The following CCND3 variants were observed in gnomAD, a reference collection of about 807,000 sequenced individuals.
CCND3 encodes the protein cyclin D3, also known as G1/S-specific cyclin-D3.
A neutral mutation model predicts 28.7 loss-of-function variants in CCND3; 9 were observed. That is an observed-to-expected ratio of 0.31 (90% confidence interval 0.19 to 0.55). CCND3 has a LOEUF of 0.55. Among genes scored for constraint, CCND3 ranks in the 20% least tolerant of loss-of-function variants. The pLI is 0.93. For missense variants in CCND3, 315 were observed against 385.8 expected, an observed-to-expected ratio of 0.82 and a Z score of 1.54; for synonymous variants, 164 against 163.9, an observed-to-expected ratio of 1.00 and a Z score of 0.00.
chr6:41,975,709 T>C (rs1048413117), intron 1 of CCND3, among the ~76,000 whole-genome samples: 25 of 150,692 alleles, frequency 1.7e-4, no homozygotes, highest in Admixed American at 9.9e-4. Context: ...AGGCTACCTC[T>C]CCACTCACTG....
At chr6:41,943,244 A>C (rs1438957168), upstream of CCND3, among the ~76,000 whole-genome samples, 1 of 152,244 alleles carries the variant, frequency 6.6e-6, no homozygotes, top group East Asian at 1.9e-4. Context: ...AACTTCAAAA[A>C]TACAAATAAG....
chr6:41,952,581 C>T (rs1246727223), intron 1 of CCND3, among the ~76,000 whole-genome samples: 5 of 152,094 alleles, frequency 3.3e-5, no homozygotes, highest in Non-Finnish European at 5.9e-5. Context: ...TGTGGGAGGG[C>T]GCGATGGACT....
intron 1 of CCND3, among the ~76,000 whole-genome samples, chr6:41,996,130 A>ATG (rs1762794585): frequency 3.0e-4 from 5 of 16,432 alleles, no homozygotes; most frequent in African/African-American, 8.5e-4. Context: ...TATAATATAT[A>ATG]TATATATATT....
chr6:42,005,329 G>A (rs1361548640), intron 1 of CCND3, among the ~76,000 whole-genome samples: 4 of 152,038 alleles, frequency 2.6e-5, no homozygotes, highest in East Asian at 3.9e-4. Flanking sequence ...ATAATTTGAG[G>A]TCTGGAGTTT....
chr6:42,013,134 T>A (rs1436316719), intron 1 of CCND3, among the ~76,000 whole-genome samples: 1 of 152,192 alleles, frequency 6.6e-6, no homozygotes, highest in African/African-American at 2.4e-5. Flanking sequence ...TTCATCAGTG[T>A]CTCTCTAGAG....
chr6:42,041,911 C>T (rs1001059337), intron 1 of CCND3, among the ~76,000 whole-genome samples: 2 of 152,270 alleles, frequency 1.3e-5, no homozygotes, highest in African/African-American at 4.8e-5. Flanking sequence ...GTCTGAGGCC[C>T]CTGCTCCGGC....
At chr6:42,041,416 G>C (rs1764369330) in intron 1 of CCND3, among the ~76,000 whole-genome samples, 1 of 152,104 alleles carries the variant, frequency 6.6e-6, no homozygotes. Flanking sequence ...AGGAAGAGAA[G>C]GCCTGGAGAA....
At chr6:41,960,969 T>C (rs930754262) in intron 1 of CCND3, among the ~76,000 whole-genome samples, 1 of 152,126 alleles carries the variant, frequency 6.6e-6, no homozygotes, top group Non-Finnish European at 1.5e-5. Flanking sequence ...ATCTCCACTT[T>C]CAGGAGTTTC....
At chr6:42,003,123 CT>C (rs1338089856) in intron 1 of CCND3, among the ~76,000 whole-genome samples, 1 of 145,830 alleles carries the variant, frequency 6.9e-6, no homozygotes, top group Non-Finnish European at 1.5e-5. Context: ...GATCGTGCCA[CT>C]GCACTCCAGC....
intron 1 of CCND3, among the ~76,000 whole-genome samples, chr6:41,964,428 TTG>T (rs1327443952): frequency 8.0e-5 from 11 of 137,654 alleles, no homozygotes; most frequent in Non-Finnish European, 1.7e-4. Flanking sequence ...GTGAATGTGT[TTG>T]TGTGTATGTG....
chr6:41,974,594 T>A (rs572851759), intron 1 of CCND3, among the ~76,000 whole-genome samples: 1 of 152,232 alleles, frequency 6.6e-6, no homozygotes, highest in African/African-American at 2.4e-5. Flanking sequence ...GTGCCCATGC[T>A]ATTACTCAAC....
intron 1 of CCND3, among the ~76,000 whole-genome samples, chr6:41,981,485 GAGCCACCACGCCCGGCCAT>G (rs1762344562): frequency 1.0e-5 from 1 of 96,460 alleles, no homozygotes; most frequent in Non-Finnish European, 2.7e-5. Flanking sequence ...TTATAGGCTT[GAGCCACCACGCCCGGCCAT>G]GAGCCACCAC....
intron 1 of CCND3, among the ~76,000 whole-genome samples, chr6:42,046,123 C>G (rs980045829): frequency 6.6e-6 from 1 of 152,212 alleles, no homozygotes; most frequent in African/African-American, 2.4e-5. Flanking sequence ...AAGACAGATG[C>G]ACGAAGTGCT....
intron 1 of CCND3, among the ~76,000 whole-genome samples, chr6:41,951,577 A>C (rs893525455): frequency 1.4e-4 from 20 of 145,942 alleles, no homozygotes; most frequent in South Asian, 7.4e-4. Context: ...CACACACACA[A>C]AAAAAAAGAT....
chr6:42,011,761 G>A (rs1763351288), intron 1 of CCND3, among the ~76,000 whole-genome samples: 1 of 152,188 alleles, frequency 6.6e-6, no homozygotes, highest in Non-Finnish European at 1.5e-5. Context: ...GCAGTGGAGG[G>A]AGAGGGGTAC....
At chr6:42,005,330 T>A (rs960699393) in intron 1 of CCND3, among the ~76,000 whole-genome samples, 2 of 151,988 alleles carry the variant, frequency 1.3e-5, no homozygotes, top group African/African-American at 4.8e-5. Context: ...TAATTTGAGG[T>A]CTGGAGTTTG....
intron 1 of CCND3, 198 bp from the exon 2 acceptor site, chr6:41,940,783 T>TC: frequency 1.2e-6 from 1 of 838,736 alleles, no homozygotes; most frequent in Non-Finnish European, 2.0e-6. Flanking sequence ...CGCGGCCTCC[T>TC]CCCCTCTCCC....
At chr6:41,978,042 G>A (rs1762230908) in intron 1 of CCND3, among the ~76,000 whole-genome samples, 1 of 149,976 alleles carries the variant, frequency 6.7e-6, no homozygotes, top group African/African-American at 2.5e-5. Context: ...GTGACAAAGT[G>A]AGACCCTGTC....
chr6:41,943,744 A>G (rs868338330), upstream of CCND3, among the ~76,000 whole-genome samples: 1 of 152,210 alleles, frequency 6.6e-6, no homozygotes. Flanking sequence ...CCATCATTAC[A>G]TATCTATTTT....
Sources: allele counts gnomAD v4.1 joint callset (sites outside exome capture counted in the v4.1 genomes callset), GRCh38; gene constraint gnomAD v4.1.1; transcripts MANE v1.5; gene names NCBI Gene and HGNC (gene_info 2026-07-23, HGNC 2026-07-21).